The following SPOP variants were observed in gnomAD, a reference collection of about 807,000 sequenced individuals.
SPOP encodes the protein speckle-type POZ protein.
SPOP carries 11 observed loss-of-function variants against 45.6 expected under a neutral mutation model. The ratio of observed to expected loss-of-function variants is 0.24; its 90% confidence interval spans 0.15 to 0.40. The LOEUF is 0.40. Among genes scored for constraint, SPOP ranks in the 10% least tolerant of loss-of-function variants. SPOP has a pLI of 1.00. For synonymous variants in SPOP, 166 were observed against 166.3 expected (o/e 1.00, Z 0.01); for missense variants, 152 against 465.6 (o/e 0.33, Z 6.20).
intron 5 of SPOP, among the ~76,000 whole-genome samples, chr17:49,616,301 C>T (rs1293736369): frequency 1.3e-5 from 2 of 152,056 alleles, no homozygotes; most frequent in Non-Finnish European, 2.9e-5. Context: ...CACCAGAATC[C>T]CTATGAAACA....
At chr17:49,666,289 A>T (rs1009627690) in intron 1 of SPOP, among the ~76,000 whole-genome samples, 1 of 152,074 alleles carries the variant, frequency 6.6e-6, no homozygotes, top group African/African-American at 2.4e-5. Flanking sequence ...GGTTATCTTT[A>T]TGAAAAAAAA....
chr17:49,661,098 T>G (rs1367100545), intron 1 of SPOP, among the ~76,000 whole-genome samples: 2 of 152,226 alleles, frequency 1.3e-5, no homozygotes, highest in African/African-American at 4.8e-5. Context: ...GGCTCACCAT[T>G]ATACAAACTT....
At chr17:49,658,907 C>A (rs2072950418) in intron 1 of SPOP, among the ~76,000 whole-genome samples, 1 of 152,232 alleles carries the variant, frequency 6.6e-6, no homozygotes. Context: ...CTGCTTGCAA[C>A]TTTCTCCACT....
chr17:49,676,810 C>T (rs1339082566), intron 1 of SPOP, among the ~76,000 whole-genome samples: 3 of 152,118 alleles, frequency 2.0e-5, no homozygotes, highest in Admixed American at 6.5e-5. Flanking sequence ...AACTGAAAAC[C>T]CAGGTCCTAG....
intron 3 of SPOP, among the ~76,000 whole-genome samples, chr17:49,621,488 AT>A (rs1313543447): frequency 2.0e-5 from 3 of 152,214 alleles, no homozygotes; most frequent in African/African-American, 7.2e-5. Context: ...AAAGCAGGCA[AT>A]TTAAAAGTAA....
chr17:49,618,313 A>G (rs1026640195), intron 5 of SPOP, among the ~76,000 whole-genome samples: 1 of 152,224 alleles, frequency 6.6e-6, no homozygotes, highest in Non-Finnish European at 1.5e-5. Context: ...GTATATACTC[A>G]TTAAAGAAAC....
At chr17:49,603,705 A>T (rs1314053588) in intron 8 of SPOP, among the ~76,000 whole-genome samples, 1 of 152,256 alleles carries the variant, frequency 6.6e-6, no homozygotes, top group Non-Finnish European at 1.5e-5. Context: ...AGAGGTGTAA[A>T]GGTAAAAACG....
At chr17:49,620,658 T>G (rs115875811) in intron 3 of SPOP, 2,125 of 154,168 alleles carry the variant, frequency 0.014, 63 homozygotes, top group African/African-American at 0.049. Context: ...TAAATAGTGT[T>G]AGAGATGCCA....
chr17:49,639,524 T>A (rs758601273), intron 1 of SPOP, among the ~76,000 whole-genome samples: 17 of 152,206 alleles, frequency 1.1e-4, no homozygotes, highest in Admixed American at 2.6e-4. Context: ...TATATTCATA[T>A]AACAGAATGC....
chr17:49,666,822 C>T (rs536435015), intron 1 of SPOP, among the ~76,000 whole-genome samples: 1 of 151,936 alleles, frequency 6.6e-6, no homozygotes, highest in East Asian at 1.9e-4. Context: ...GAATAAGACT[C>T]CATCTCAAAA....
chr17:49,631,799 G>C (rs947806680), intron 1 of SPOP, among the ~76,000 whole-genome samples: 1 of 152,122 alleles, frequency 6.6e-6, no homozygotes, highest in Admixed American at 6.5e-5. Flanking sequence ...TCTTTTTATA[G>C]GTGGGTCCTT....
chr17:49,638,873 C>T (rs953685296), intron 1 of SPOP, among the ~76,000 whole-genome samples: 3 of 152,126 alleles, frequency 2.0e-5, no homozygotes, highest in Non-Finnish European at 4.4e-5. Context: ...GTTAGCCAGG[C>T]GTGGTGACGG....
At chr17:49,617,939 A>G (rs1355168569) in intron 5 of SPOP, among the ~76,000 whole-genome samples, 2 of 151,822 alleles carry the variant, frequency 1.3e-5, no homozygotes, top group Admixed American at 6.6e-5. Flanking sequence ...AAAAAAAAAA[A>G]AAAAGAAAGA....
intron 6 of SPOP, among the ~76,000 whole-genome samples, chr17:49,610,542 C>CA (rs1175301426): frequency 2.6e-5 from 4 of 152,260 alleles, no homozygotes; most frequent in African/African-American, 7.2e-5. Context: ...TACACAGTAA[C>CA]AGCCAGTTGT....
intron 1 of SPOP, among the ~76,000 whole-genome samples, chr17:49,649,361 A>G (rs973391774): frequency 6.6e-5 from 10 of 150,772 alleles, no homozygotes; most frequent in African/African-American, 2.0e-4. Context: ...CCATGGTGAA[A>G]CCCCGTCTCT....
intron 5 of SPOP, 73 bp downstream of exon 5, chr17:49,618,908 T>TA: frequency 6.6e-7 from 1 of 1,515,648 alleles, no homozygotes. Context: ...ACATCCCTGA[T>TA]ACAATATAAT....
rs369359417 is a variant in SPOP, at chr17:49,622,831, G to A, written c.-21C>T. 3 of 1,609,490 alleles carry A rather than the reference G, an allele frequency of 1.9e-6. No homozygotes were observed. The highest frequency in any genetic ancestry group is 2.2e-5 in the East Asian group (1 of 44,854). ...GACATCGCCAGTTTGAAGGTTAAAC[G>A]AGATTTCCAAAGTCAGGGGGCAAAG... On this transcript the variant is annotated 5_prime_UTR_variant, in exon 2 of 10. Transcript: ENST00000504102.
intron 1 of SPOP, among the ~76,000 whole-genome samples, chr17:49,667,157 G>A (rs1197593734): frequency 3.1e-5 from 4 of 128,930 alleles, no homozygotes; most frequent in South Asian, 2.4e-4. Context: ...CAGCCTAGGC[G>A]ACAAGAATGA....
chr17:49,610,554 A>G (rs2143186689), intron 6 of SPOP, among the ~76,000 whole-genome samples: 1 of 152,312 alleles, frequency 6.6e-6, no homozygotes, highest in Admixed American at 6.5e-5. Flanking sequence ...GCCAGTTGTG[A>G]GAGGGAACAG....
Sources: allele counts gnomAD v4.1 joint callset (sites outside exome capture counted in the v4.1 genomes callset), GRCh38; gene constraint gnomAD v4.1.1; transcripts MANE v1.5; gene names NCBI Gene and HGNC (gene_info 2026-07-23, HGNC 2026-07-21).